The following NEXMIF variants were observed in gnomAD, a reference collection of about 807,000 sequenced individuals.
NEXMIF encodes neurite extension and migration factor, also known as XLMR protein related to neurite extension.
Under a neutral mutation model 62.1 loss-of-function variants are expected in NEXMIF, and 8 were observed. That is an observed-to-expected ratio of 0.13 (90% CI 0.08 to 0.23). NEXMIF has a LOEUF of 0.23. Ranked by LOEUF, NEXMIF falls within the 10% of genes least tolerant of loss-of-function variation. The pLI, the probability that NEXMIF is intolerant of heterozygous loss-of-function variation, is 1.00. For synonymous variants in NEXMIF, 404 were observed against 416.6 expected, an observed-to-expected ratio of 0.97 and a Z score of 0.37; for missense variants, 976 against 1,113.3, an observed-to-expected ratio of 0.88 and a Z score of 1.75.
At chrX:74,826,122 T>C (rs1266527517) in intron 1 of NEXMIF, among the ~76,000 whole-genome samples, 1 of 112,756 alleles carries the variant, frequency 8.9e-6, no homozygotes, top group Admixed American at 9.4e-5. Context: ...TGAATTAATT[T>C]ACACTCCTAA....
chrX:74,743,537 G>T lies in NEXMIF; in HGVS notation c.1020C>A (p.Ser340Arg), dbSNP rs769822490. Reference sequence around the variant, plus strand: ...CTCGCTTGGGGCAGGTAGTAAAGACGCTGGGAAAAAAGTTGAATTGGGCAT... The same window carrying T: ...CTCGCTTGGGGCAGGTAGTAAAGACTCTGGGAAAAAAGTTGAATTGGGCAT... ...QEDAQFNFFP[S>R]VFTTCPKRES... The change falls in exon 3 of 4, where the codon AGC becomes AGA. Residue 340 changes from serine (S) to arginine (R), a missense_variant. Around this residue, in one of 5 missense-constraint regions of NEXMIF, gnomAD observed 639 missense variants for 694.5 expected, o/e 0.92. Coordinates refer to ENST00000055682, the MANE Select transcript of NEXMIF (RefSeq NM_001008537.3). 1 of 1,209,189 alleles carries T rather than the reference G, an allele frequency of 8.3e-7. No homozygotes were observed. Among genetic ancestry groups the T allele is most frequent in the Non-Finnish European group, 1.1e-6 (1 of 894,982 alleles).
chrX:74,799,409 A>G lies in NEXMIF; in HGVS notation c.-47-53712T>C, dbSNP rs1464345462. Among the ~76,000 whole-genome samples the G allele has an allele frequency of 1.3e-4, 15 of 111,514 alleles. No homozygotes were observed. The Admixed American group carries it at 1.4e-3, about 11-fold the overall frequency. On this transcript the variant is annotated intron_variant, in intron 1 of 3. Coordinates refer to ENST00000055682, the MANE Select transcript of NEXMIF (RefSeq NM_001008537.3). Reference sequence around the variant, plus strand: ...GGTTTTAGAGCTGCCAGCAAAATAAATAAAGAAATACATGCATACATACAT... The same window carrying G: ...GGTTTTAGAGCTGCCAGCAAAATAAGTAAAGAAATACATGCATACATACAT...
chrX:74,762,891 A>G lies in NEXMIF; in HGVS notation c.-47-17194T>C, dbSNP rs764450532. On this transcript the variant is annotated intron_variant, in intron 1 of 3. Transcript: ENST00000055682. ...GCCCTTTGTCAGATGAGTAGGTTGC[A>G]AAAATTTTCTCCCATTCTGTAGGTT... 1.1e-3 allele frequency among the ~76,000 whole-genome samples: 123 copies of G among 111,254 alleles called. 1 individual carries two copies. The highest frequency in any genetic ancestry group is 3.8e-3 in the African/African-American group (117 of 30,617).
At chrX:74,878,688 C>T (rs957895014) in intron 1 of NEXMIF, among the ~76,000 whole-genome samples, 2 of 112,818 alleles carry the variant, frequency 1.8e-5, no homozygotes, top group Admixed American at 9.3e-5. Context: ...ATAGAATCTC[C>T]TGATGCGCCG....
chrX:74,790,473 C>T (rs1351148412), intron 1 of NEXMIF, among the ~76,000 whole-genome samples: 6 of 110,654 alleles, frequency 5.4e-5, no homozygotes, highest in African/African-American at 6.5e-5. Flanking sequence ...TTTTTTGGTT[C>T]CATATGAACT....
At chrX:74,769,632 C>T (rs1038451662) in intron 1 of NEXMIF, 8 of 617,901 alleles carry the variant, frequency 1.3e-5, no homozygotes, top group South Asian at 9.3e-5. Context: ...TATTCAGTCA[C>T]GGTATCCGAA....
intron 1 of NEXMIF, among the ~76,000 whole-genome samples, chrX:74,825,621 C>A (rs1213361523): frequency 8.9e-6 from 1 of 112,242 alleles, no homozygotes; most frequent in Non-Finnish European, 1.9e-5. Context: ...AAGGCATGAT[C>A]TCGGCTCATT....
intron 1 of NEXMIF, among the ~76,000 whole-genome samples, chrX:74,901,165 T>C (rs1189667516): frequency 8.9e-6 from 1 of 112,274 alleles, no homozygotes. Flanking sequence ...ATTTTATGTG[T>C]ATTTTACCAC....
chrX:74,867,582 G>T (rs1429591246), intron 1 of NEXMIF, among the ~76,000 whole-genome samples: 1 of 112,213 alleles, frequency 8.9e-6, no homozygotes, highest in Non-Finnish European at 1.9e-5. Flanking sequence ...GGCTAGCCAT[G>T]TGCAGAAGAT....
At chrX:74,859,797 T>A (rs1296825316) in intron 1 of NEXMIF, among the ~76,000 whole-genome samples, 4 of 111,777 alleles carry the variant, frequency 3.6e-5, no homozygotes, top group African/African-American at 1.3e-4. Context: ...AGTTTACATT[T>A]TGCTTGCTTG....
At chrX:74,806,955 T>C (rs907475542) in intron 1 of NEXMIF, among the ~76,000 whole-genome samples, 1 of 112,925 alleles carries the variant, frequency 8.9e-6, no homozygotes, top group Non-Finnish European at 1.9e-5. Context: ...AGCTTTATAG[T>C]AAGTCTTATA....
At chrX:74,784,588 C>T (rs1426682719) in intron 1 of NEXMIF, among the ~76,000 whole-genome samples, 2 of 109,454 alleles carry the variant, frequency 1.8e-5, no homozygotes, top group African/African-American at 3.3e-5. Flanking sequence ...CTGCTTTATA[C>T]TGTGTGTATG....
intron 1 of NEXMIF, 133 bp from the exon 2 acceptor site, chrX:74,745,830 T>C: frequency 2.4e-6 from 1 of 416,834 alleles, no homozygotes; most frequent in Non-Finnish European, 4.2e-6. Flanking sequence ...ATCACTGCTA[T>C]TGTTTTTGTT....
At chrX:74,810,720 C>T (rs1230347019) in intron 1 of NEXMIF, among the ~76,000 whole-genome samples, 1 of 110,594 alleles carries the variant, frequency 9.0e-6, no homozygotes, top group African/African-American at 3.3e-5. Context: ...ATTTCCTGTA[C>T]GGGCCTCAGG....
intron 1 of NEXMIF, among the ~76,000 whole-genome samples, chrX:74,884,619 A>C (rs924898484): frequency 8.9e-6 from 1 of 112,091 alleles, no homozygotes; most frequent in Admixed American, 9.4e-5. Context: ...ATATGCGCAC[A>C]ATACAGGAGC....
chrX:74,919,935 T>C (rs1268590455), intron 1 of NEXMIF, among the ~76,000 whole-genome samples: 1 of 111,043 alleles, frequency 9.0e-6, no homozygotes, highest in East Asian at 2.9e-4. Flanking sequence ...TTCATCCATG[T>C]CCCTACAAAG....
intron 1 of NEXMIF, among the ~76,000 whole-genome samples, chrX:74,791,432 A>C (rs1348994387): frequency 2.7e-5 from 3 of 111,083 alleles, no homozygotes; most frequent in African/African-American, 9.8e-5. Flanking sequence ...AGTGGTCTAA[A>C]ATTCTCTTTT....
intron 1 of NEXMIF, among the ~76,000 whole-genome samples, chrX:74,853,008 GT>G (rs372878432): frequency 0.012 from 1,285 of 110,500 alleles, 21 homozygotes; most frequent in African/African-American, 0.04. Flanking sequence ...AAAATGAAAA[GT>G]TTTTTTTCAA....
intron 1 of NEXMIF, among the ~76,000 whole-genome samples, chrX:74,904,786 C>T (rs911592340): frequency 9.0e-6 from 1 of 110,946 alleles, no homozygotes; most frequent in Non-Finnish European, 1.9e-5. Context: ...ATCTCGAGTA[C>T]AATATTCAAT....
Sources: gnomAD v4.1 joint callset for allele counts (sites outside exome capture counted in the v4.1 genomes callset) on GRCh38, gnomAD v4.1.1 for gene constraint, gnomAD v4.1.1 regional missense constraint, MANE v1.5 for transcripts, NCBI Gene and HGNC (gene_info 2026-07-23, HGNC 2026-07-21) for gene names.